YEATS2: variants seen among roughly 807,000 people sequenced by gnomAD.
YEATS2 encodes the protein YEATS domain containing 2, also known as YEATS domain-containing protein 2.
YEATS2 carries 77 observed loss-of-function variants against 163.2 expected under a neutral mutation model. That is an observed-to-expected ratio of 0.47 (90% confidence interval 0.39 to 0.57). YEATS2 has a LOEUF of 0.57. Among genes scored for constraint, YEATS2 ranks in the 20% least tolerant of loss-of-function variants. The pLI is 0.00. For synonymous variants in YEATS2, 631 were observed against 645.1 expected (o/e 0.98, Z 0.33); for missense variants, 1,549 against 1,729.8 (o/e 0.90, Z 1.85).
At position 183,761,499 on chromosome 3, in the gene YEATS2, A is replaced by G; in HGVS notation, c.1657-8A>G. The G allele has an allele frequency of 1.2e-6, 2 of 1,611,678 alleles. No homozygotes were observed. The highest frequency in any genetic ancestry group is 1.1e-5 in the South Asian group (1 of 91,036). ...CTGATTGTAAAATATGTATTTTTAC[A>G]CACACAGCAGGAGGATTCTTTGTTT... On this transcript the variant is annotated splice_polypyrimidine_tract_variant and splice_region_variant and intron_variant, in intron 13 of 30. Coordinates refer to ENST00000305135, the MANE Select transcript of YEATS2 (RefSeq NM_018023.5).
Position 183,711,414 on chromosome 3 carries a change from A to G in YEATS2, c.-19-3730A>G, listed in dbSNP as rs1331061903. Among the ~76,000 whole-genome samples, 4 of 146,648 alleles carry G rather than the reference A, an allele frequency of 2.7e-5. No individual in the cohort carries two copies. In the East Asian group the frequency reaches 8.3e-4, roughly 30 times the overall value. On this transcript the variant is annotated intron_variant, in intron 1 of 30. Coordinates refer to ENST00000305135, the MANE Select transcript of YEATS2 (RefSeq NM_018023.5). ...CGTGAACCCGGGAGGTGGAGCTTGC[A>G]GTGAGCTGAGATCGCGCCACTGCAC...
Position 183,715,174 on chromosome 3 carries a change from C to A in YEATS2, c.12C>A (p.Ile4=), listed in dbSNP as rs1292856107. The part of the protein sequence containing the change: MSG[I]KRTIKETDPD... ...AACTGAATGTCATCATGTCTGGAAT[C>A]AAGCGAACCATCAAAGAAACCGACC... Residue 4 remains isoleucine, a synonymous_variant, in exon 2 of 31, where the codon ATC becomes ATA. Coordinates refer to ENST00000305135, the MANE Select transcript of YEATS2 (RefSeq NM_018023.5). The A allele has an allele frequency of 6.2e-7, 1 of 1,612,588 alleles. No individual in the cohort carries two copies. The highest frequency in any genetic ancestry group is 2.2e-5 in the East Asian group (1 of 44,866).
At chr3:183,735,834 A>G (rs756807632) in intron 7 of YEATS2, among the ~76,000 whole-genome samples, 3 of 152,134 alleles carry the variant, frequency 2.0e-5, no homozygotes, top group Non-Finnish European at 2.9e-5. Flanking sequence ...GGCATGAGCC[A>G]CCGCACCCAG....
chr3:183,784,634 C>T, intron 19 of YEATS2, among the ~76,000 whole-genome samples: 1 of 151,938 alleles, frequency 6.6e-6, no homozygotes, highest in East Asian at 1.9e-4. Flanking sequence ...CTTTTTGTTG[C>T]AATTGTTGTT....
At chr3:183,698,151 G>C (rs1240732823) in intron 1 of YEATS2, among the ~76,000 whole-genome samples, 158 bp downstream of exon 1, 1 of 151,892 alleles carries the variant, frequency 6.6e-6, no homozygotes, top group African/African-American at 2.4e-5. Flanking sequence ...CGAGGGGAGG[G>C]CAGGGAGGAT....
At chr3:183,730,855 T>C (rs367939147) in intron 7 of YEATS2, among the ~76,000 whole-genome samples, 2 of 152,204 alleles carry the variant, frequency 1.3e-5, no homozygotes, top group Non-Finnish European at 2.9e-5. Context: ...TGTAGTGATA[T>C]ATCATAGACT....
rs2109287903 is a variant in YEATS2, at chr3:183,752,122, A to G, written c.1019A>G (p.Tyr340Cys). Residue 340 changes from tyrosine to cysteine, a missense_variant, in exon 10 of 31, where the codon TAT becomes TGT. Coordinates refer to ENST00000305135, the MANE Select transcript of YEATS2 (RefSeq NM_018023.5). The stretch of plus-strand genomic sequence containing the variant: ...CATTCTCTCGGAGAAGACTGTATCT[A>G]TCCTCAGTCCTCGGAGTCTGACATC... ...HRHSLGEDCI[Y>C]PQSSESDISD... 1.9e-6 allele frequency: 3 copies of G among 1,614,140 alleles called. No individual in the cohort carries two copies. Among genetic ancestry groups the G allele is most frequent in the Admixed American group, 1.7e-5 (1 of 60,026 alleles).
chr3:183,796,138 A>G (rs915704052), intron 21 of YEATS2, among the ~76,000 whole-genome samples: 4 of 140,354 alleles, frequency 2.8e-5, no homozygotes, highest in Non-Finnish European at 6.1e-5. Context: ...ACCTGCCACC[A>G]TGCCCGGCTA....
At chr3:183,773,276 T>G (rs922109981) in intron 16 of YEATS2, among the ~76,000 whole-genome samples, 4 of 152,138 alleles carry the variant, frequency 2.6e-5, no homozygotes, top group Admixed American at 6.6e-5. Context: ...ACAGGGTGAT[T>G]ATTTCATTAA....
At chr3:183,784,346 T>TA (rs1192401920) in intron 19 of YEATS2, among the ~76,000 whole-genome samples, 3 of 152,242 alleles carry the variant, frequency 2.0e-5, no homozygotes, top group South Asian at 2.1e-4. Flanking sequence ...TGATTAGTGA[T>TA]ACGGAGCATT....
intron 15 of YEATS2, among the ~76,000 whole-genome samples, chr3:183,768,923 G>A (rs1056143412): frequency 2.0e-5 from 3 of 152,226 alleles, no homozygotes; most frequent in Non-Finnish European, 4.4e-5. Flanking sequence ...GGTGAGCTGA[G>A]ATCGTGCCAC....
At chr3:183,746,745 ACC>A (rs1719586433) in intron 8 of YEATS2, among the ~76,000 whole-genome samples, 1 of 150,186 alleles carries the variant, frequency 6.7e-6, no homozygotes, top group Non-Finnish European at 1.5e-5. Flanking sequence ...CTATTAATCC[ACC>A]CTGTATTGCT....
At chr3:183,805,474 G>A (rs1013015641) in intron 27 of YEATS2, among the ~76,000 whole-genome samples, 1 of 152,000 alleles carries the variant, frequency 6.6e-6, no homozygotes, top group African/African-American at 2.4e-5. Flanking sequence ...CACCCCTCCT[G>A]TCCAAGGAAA....
Position 183,704,348 on chromosome 3 carries a change from GTGTA to G in YEATS2, c.-20+6357_-20+6360del, listed in dbSNP as rs1286747735. Among the ~76,000 whole-genome samples, 9 of 152,210 alleles carry G rather than the reference GTGTA, an allele frequency of 5.9e-5. No homozygotes were observed. In the Middle Eastern group the frequency reaches 0.01, roughly 173 times the overall value. ...ATACCCTGCTGGATTGGATTTGTAT[GTGTA>G]TTTGCAGTGAAAGCTTGTTTGCCAT... is the stretch of plus-strand genomic sequence containing the variant. On this transcript the variant is annotated intron_variant, in intron 1 of 30. Transcript: ENST00000305135.
At chr3:183,755,408 TC>T (rs1720620151) in intron 11 of YEATS2, among the ~76,000 whole-genome samples, 1 of 152,074 alleles carries the variant, frequency 6.6e-6, no homozygotes, top group Non-Finnish European at 1.5e-5. Context: ...TGAGCCACCG[TC>T]CCCTGTCATT....
intron 27 of YEATS2, chr3:183,806,175 A>G: frequency 2.5e-6 from 1 of 398,220 alleles, no homozygotes; most frequent in Non-Finnish European, 4.9e-6. Flanking sequence ...AAAATATCCT[A>G]AGTCAAAAAT....
rs1265797377 is a variant in YEATS2 at position 183,773,642 on chromosome 3, C to T, written c.2216C>T (p.Thr739Met). 7.5e-6 allele frequency: 12 copies of T among 1,604,188 alleles called. No homozygotes were observed. The highest frequency in any genetic ancestry group is 1.3e-5 in the African/African-American group (1 of 74,246). The change falls in exon 17 of 31, where the codon ACG becomes ATG. Residue 739 changes from threonine (T) to methionine (M), a missense_variant. Transcript: ENST00000305135. ...TCCTTTACCATTTTAGTAATGGCAACGTTGCAGCTACCAGCCACTAATTTG... is the reference window on the plus strand; with the variant it reads ...TCCTTTACCATTTTAGTAATGGCAATGTTGCAGCTACCAGCCACTAATTTG... Reference protein sequence around the residue: ...KSGSQGSVMATLQLPATNLAN... With the variant: ...KSGSQGSVMAMLQLPATNLAN...
In YEATS2 at chr3:183,730,052, G is replaced by GTTTTTTTTTTTTTTTTT. The variant is rs869091775; in HGVS notation, c.812+1220_812+1236dup. Among the ~76,000 whole-genome samples, 13 of 41,718 alleles carry GTTTTTTTTTTTTTTTTT rather than the reference G, an allele frequency of 3.1e-4. 2 individuals carry two copies. Among genetic ancestry groups the GTTTTTTTTTTTTTTTTT allele is most frequent in the East Asian group, 2.3e-3 (2 of 886 alleles). The allele number at this position is 41,718 out of a possible 152,430, so 27.4% of individuals were successfully genotyped here. ...ATATTAATTGTGTGGTTTTTTGTTT[G>GTTTTTTTTTTTTTTTTT]TTTTTTTTTTTTTTTTTTTTTTTTT... is the stretch of plus-strand genomic sequence containing the variant. On this transcript the variant is annotated intron_variant, in intron 7 of 30. Transcript: ENST00000305135.
chr3:183,758,784 G>A lies in YEATS2; in HGVS notation c.1553-78G>A, dbSNP rs1229113585. 2.3e-5 allele frequency: 22 copies of A among 959,130 alleles called. No homozygotes were observed. In the Admixed American group the frequency reaches 4.7e-4, roughly 21 times the overall value. The allele number at this position is 959,130 out of a possible 1,614,324, so 59.4% of individuals were successfully genotyped here. ...GAAAAATAAATAGTGCGAAAGAGGG[G>A]AGGATGGTAGAAATGCTTTAAAATT... On this transcript the variant is annotated intron_variant, in intron 12 of 30. Transcript: ENST00000305135.
Sources: gnomAD v4.1 joint callset for allele counts (sites outside exome capture counted in the v4.1 genomes callset) on GRCh38, gnomAD v4.1.1 for gene constraint, MANE v1.5 for transcripts, NCBI Gene and HGNC (gene_info 2026-07-23, HGNC 2026-07-21) for gene names.